METTL13: variants seen among roughly 807,000 people sequenced by gnomAD.
METTL13 encodes the protein methyltransferase 13, eEF1A N-terminus and K55.
METTL13 carries 52 observed loss-of-function variants against 67.4 expected under a neutral mutation model. That is an observed-to-expected ratio of 0.77 (90% CI 0.62 to 0.97). The LOEUF (loss-of-function observed/expected upper bound fraction) is 0.97. Among genes scored for constraint, METTL13 ranks in the 50% least tolerant of loss-of-function variants. The pLI, the probability that METTL13 is intolerant of heterozygous loss-of-function variation, is 0.00. For synonymous variants in METTL13, 354 were observed against 353.6 expected (o/e 1.00, Z -0.01); for missense variants, 825 against 889.6 (o/e 0.93, Z 0.92).
intron 2 of METTL13, 130 bp downstream of exon 2, chr1:171,784,629 G>GTT (rs1656949786): frequency 5.0e-6 from 6 of 1,203,408 alleles, no homozygotes; most frequent in Non-Finnish European, 6.5e-6. Context: ...TCTTGCAGGG[G>GTT]TTTGTACTTC....
At chr1:171,789,689 T>C (rs1376895313) in intron 4 of METTL13, among the ~76,000 whole-genome samples, 1 of 152,234 alleles carries the variant, frequency 6.6e-6, no homozygotes, top group Non-Finnish European at 1.5e-5. Flanking sequence ...TAATCTTTTC[T>C]CCTGTTAGTG....
At chr1:171,786,694 T>C (rs1657026087) in intron 3 of METTL13, among the ~76,000 whole-genome samples, 1 of 152,156 alleles carries the variant, frequency 6.6e-6, no homozygotes, top group Admixed American at 6.5e-5. Flanking sequence ...CTTGCTCTGT[T>C]GCCCAGGCTG....
intron 2 of METTL13, 113 bp from the exon 3 acceptor site, chr1:171,785,766 A>C (rs1656986312): frequency 2.8e-6 from 3 of 1,071,756 alleles, no homozygotes; most frequent in Non-Finnish European, 4.1e-6. Context: ...AGTGGGTCAC[A>C]GTTGGGGAAG....
At position 171,797,579 on chromosome 1, in the gene METTL13, G is replaced by A. The variant is rs2029870365; in HGVS notation, c.*823G>A. 1.3e-5 allele frequency: 2 copies of A among 152,246 alleles called. No individual in the cohort carries two copies. The highest frequency in any genetic ancestry group is 4.1e-4 in the South Asian group (2 of 4,830). The allele number at this position is 152,246 out of a possible 1,614,324, so 9.4% of individuals were successfully genotyped here. On this transcript the variant is annotated 3_prime_UTR_variant, in exon 8 of 8. Coordinates refer to ENST00000361735, the MANE Select transcript of METTL13 (RefSeq NM_015935.5). ...TAATGTGTTCCAGGCATTCTTCTAA[G>A]TGGTTTACATGCACTGTCTCATTTA...
chr1:171,789,712 T>G lies in METTL13; in HGVS notation c.1310-740T>G, dbSNP rs142673328. Among the ~76,000 whole-genome samples, 412 of 152,348 alleles carry G rather than the reference T, an allele frequency of 2.7e-3. 1 individual carries two copies. The highest frequency in any genetic ancestry group is 9.5e-3 in the African/African-American group (395 of 41,574). On this transcript the variant is annotated intron_variant, in intron 4 of 7. Coordinates refer to ENST00000361735, the MANE Select transcript of METTL13 (RefSeq NM_015935.5). ...TCTCCTGTTAGTGGCCTTACATTTC[T>G]TAGACGGGAGGTACCAGGGCTCCTC...
chr1:171,787,152 T>C (rs1657044504), intron 3 of METTL13, among the ~76,000 whole-genome samples: 1 of 151,958 alleles, frequency 6.6e-6, no homozygotes, highest in Non-Finnish European at 1.5e-5. Flanking sequence ...GGTCAGGAGA[T>C]ATTGGTGATT....
chr1:171,781,886 C>T lies in METTL13; in HGVS notation c.-82C>T, dbSNP rs1022687975. 4.3e-5 allele frequency: 68 copies of T among 1,577,146 alleles called. No homozygotes were observed. Among genetic ancestry groups the T allele is most frequent in the Non-Finnish European group, 7.7e-6 (9 of 1,161,326 alleles). Reference sequence around the variant, plus strand: ...AATTCCCACTGCAGTGTCCCGGAGCCTGCGTGTGGTGGGCAAGCTCCTCAA... The same window carrying T: ...AATTCCCACTGCAGTGTCCCGGAGCTTGCGTGTGGTGGGCAAGCTCCTCAA... On this transcript the variant is annotated 5_prime_UTR_variant, in exon 1 of 8. Transcript: ENST00000361735.
intron 3 of METTL13, 35 bp downstream of exon 3, chr1:171,786,113 T>C: frequency 6.3e-7 from 1 of 1,583,720 alleles, no homozygotes; most frequent in Non-Finnish European, 8.6e-7. Context: ...CATGGGTCTC[T>C]GAAGTCATGT....
intron 2 of METTL13, 79 bp downstream of exon 2, chr1:171,784,578 G>A: frequency 7.1e-7 from 1 of 1,402,940 alleles, no homozygotes; most frequent in South Asian, 1.7e-5. Flanking sequence ...CTGGGGCTGA[G>A]GCTGGGCTGG....
rs1342531853 is a variant in METTL13, at chr1:171,781,713, T to C, written c.-255T>C. The C allele has an allele frequency of 4.9e-6, 6 of 1,216,020 alleles. 1 individual carries two copies. In the Admixed American group the frequency reaches 1.4e-4, roughly 29 times the overall value. 75.3% of individuals were successfully genotyped at this position (1,216,020 alleles called of 1,614,324 possible). On this transcript the variant is annotated 5_prime_UTR_variant, in exon 1 of 8. Coordinates refer to ENST00000361735, the MANE Select transcript of METTL13 (RefSeq NM_015935.5). ...CTAGTTCGGGAAAAGTGTGAGGGGCTCTTCACGTGGGGAAGGAACAGCAGG... is the reference window on the plus strand; with the variant it reads ...CTAGTTCGGGAAAAGTGTGAGGGGCCCTTCACGTGGGGAAGGAACAGCAGG...
chr1:171,791,652 C>T (rs758379130), intron 5 of METTL13, among the ~76,000 whole-genome samples: 3 of 152,200 alleles, frequency 2.0e-5, no homozygotes, highest in Non-Finnish European at 2.9e-5. Flanking sequence ...TTTCTATAGA[C>T]AGGATTTTGC....
At position 171,787,828 on chromosome 1, in the gene METTL13, G is replaced by T; in HGVS notation, c.1207G>T (p.Val403Leu). 6.2e-7 allele frequency: 1 copy of T among 1,614,196 alleles called. No homozygotes were observed. Among genetic ancestry groups the T allele is most frequent in the Non-Finnish European group, 8.5e-7 (1 of 1,180,032 alleles). The change falls in exon 4 of 8, where the codon GTG becomes TTG. Residue 403 changes from valine (V) to leucine (L), a missense_variant. Physicochemically the swap from Val to Leu is conservative, Grantham distance 32 (BLOSUM62 1). Coordinates refer to ENST00000361735, the MANE Select transcript of METTL13 (RefSeq NM_015935.5). ...GAGCGGTGACTATGTCATTGAGGAT[G>T]TGCAAGGGGATGACAAGCGATACTT... Reference protein sequence around the residue: ...PLSGDYVIEDVQGDDKRYFRR... With the variant: ...PLSGDYVIEDLQGDDKRYFRR...
chr1:171,782,991 CTCA>C (rs1656876518), intron 1 of METTL13, among the ~76,000 whole-genome samples: 1 of 151,446 alleles, frequency 6.6e-6, no homozygotes, highest in Admixed American at 6.6e-5. Context: ...TCTTTGAATT[CTCA>C]TCATAAATTC....
intron 6 of METTL13, among the ~76,000 whole-genome samples, chr1:171,792,574 G>T (rs1657243754): frequency 6.6e-6 from 1 of 152,212 alleles, no homozygotes. Context: ...AGAAAAGGTG[G>T]AATGTGTGTT....
chr1:171,793,775 A>G (rs962547164), intron 6 of METTL13, among the ~76,000 whole-genome samples: 1 of 152,266 alleles, frequency 6.6e-6, no homozygotes, highest in African/African-American at 2.4e-5. Context: ...ATGGAACTGC[A>G]AAGATAACAC....
At chr1:171,787,457 A>C (rs1306056483) in intron 3 of METTL13, among the ~76,000 whole-genome samples, 4 of 152,118 alleles carry the variant, frequency 2.6e-5, no homozygotes, top group Non-Finnish European at 4.4e-5. Context: ...GTTACTGATG[A>C]GAAAAACCCC....
At position 171,786,073 on chromosome 1, in the gene METTL13, C is replaced by T. The variant is rs761905234; in HGVS notation, c.1108C>T (p.Gln370Ter). 12 of 1,612,096 alleles carry T rather than the reference C, an allele frequency of 7.4e-6. No homozygotes were observed. The highest frequency in any genetic ancestry group is 1.0e-5 in the Non-Finnish European group (12 of 1,178,954). Residue 370 changes from glutamine (Q) to a stop codon, truncating the protein, a stop_gained, in exon 3 of 8, where the codon CAG (glutamine) becomes TAG (stop). Transcript: ENST00000361735. LOFTEE classifies it high-confidence loss of function. Reference sequence around the variant, plus strand: ...GGCCCCAGCTGGGATGCCCACCCAGCAGCAGGTAACAAAGCTTTCGTACGG... The same window carrying T: ...GGCCCCAGCTGGGATGCCCACCCAGTAGCAGGTAACAAAGCTTTCGTACGG... Reference protein sequence around the residue: ...ELAPAGMPTQQQVPFLSVGGD... With the variant: ...ELAPAGMPTQ
chr1:171,782,370 A>G (rs1656854986), intron 1 of METTL13, among the ~76,000 whole-genome samples: 1 of 152,118 alleles, frequency 6.6e-6, no homozygotes, highest in South Asian at 2.1e-4. Flanking sequence ...CTGGAGTTAA[A>G]GACCAGCCTG....
rs774631938 is a variant in METTL13 at position 171,784,020 on chromosome 1, A to C, written c.434A>C (p.Glu145Ala). 6.2e-7 allele frequency: 1 copy of C among 1,614,066 alleles called. No individual in the cohort carries two copies. The highest frequency in any genetic ancestry group is 8.5e-7 in the Non-Finnish European group (1 of 1,180,036). ...TLQQVDRMLA[E>A]VGRVLQVGGR... ...CAACAGGTGGACAGGATGCTGGCTG[A>C]GGTTGGCCGTGTCCTGCAGGTGGGC... Residue 145 changes from glutamate (E) to alanine (A), a missense_variant, in exon 2 of 8, where the codon GAG becomes GCG. Transcript: ENST00000361735.
Sources: allele counts gnomAD v4.1 joint callset (sites outside exome capture counted in the v4.1 genomes callset), GRCh38; gene constraint gnomAD v4.1.1; transcripts MANE v1.5; gene names NCBI Gene and HGNC (gene_info 2026-07-23, HGNC 2026-07-21).